Variants in CLMP observed in about 807,000 individuals in gnomAD.
The protein encoded by CLMP is CXADR like cell adhesion molecule.
In CLMP, 27 loss-of-function variants were observed where a neutral mutation model predicts 45.2. The observed-to-expected ratio is 0.60, with a 90% confidence interval of 0.44 to 0.82. The LOEUF (loss-of-function observed/expected upper bound fraction) is 0.82. Among genes scored for constraint, CLMP ranks in the 40% least tolerant of loss-of-function variants. The pLI is 0.00. For missense variants in CLMP, 403 were observed against 448.4 expected (o/e 0.90, Z 0.91); for synonymous variants, 167 against 171.4 (o/e 0.97, Z 0.20).
chr11:123,162,431 G>A (rs1027028410), intron 1 of CLMP, among the ~76,000 whole-genome samples: 1 of 151,920 alleles, frequency 6.6e-6, no homozygotes, highest in African/African-American at 2.4e-5. Flanking sequence ...AATGTATAAT[G>A]CATGTATAAT....
At chr11:123,163,122 T>C (rs1166247450) in intron 1 of CLMP, among the ~76,000 whole-genome samples, 1 of 151,658 alleles carries the variant, frequency 6.6e-6, no homozygotes, top group Non-Finnish European at 1.5e-5. Flanking sequence ...AAGAAGGGTG[T>C]CCACAAATTC....
chr11:123,088,454 T>C (rs1387090756), intron 2 of CLMP, among the ~76,000 whole-genome samples: 1 of 152,146 alleles, frequency 6.6e-6, no homozygotes, highest in Non-Finnish European at 1.5e-5. Flanking sequence ...TTCCCCCAGA[T>C]GCATAATCAC....
Position 123,084,563 on chromosome 11 carries a change from C to A in CLMP, c.337G>T (p.Val113Phe). ...PSDEGRYTCK[V>F]KNSGRYVWSH... ...CACACGTAGCGCCCTGAATTCTTAACCTTACAGGTGTACCGGCCCTCATCA... is the reference window on the plus strand; with the variant it reads ...CACACGTAGCGCCCTGAATTCTTAAACTTACAGGTGTACCGGCCCTCATCA... Residue 113 changes from valine to phenylalanine, a missense_variant, in exon 3 of 7, where the codon GTT (valine) becomes TTT (phenylalanine). Physicochemically the swap from Val to Phe is conservative, Grantham distance 50. Coordinates refer to ENST00000448775, the MANE Select transcript of CLMP (RefSeq NM_024769.5). The A allele has an allele frequency of 6.2e-7, 1 of 1,614,182 alleles. No individual in the cohort carries two copies. The highest frequency in any genetic ancestry group is 8.5e-7 in the Non-Finnish European group (1 of 1,180,030).
chr11:123,126,818 A>G (rs1381580009), intron 1 of CLMP, among the ~76,000 whole-genome samples: 2 of 151,770 alleles, frequency 1.3e-5, no homozygotes, highest in East Asian at 3.9e-4. Context: ...AATGGCACGA[A>G]CCTGGGAGGC....
intron 1 of CLMP, among the ~76,000 whole-genome samples, chr11:123,107,534 A>AATTTTTTTTTTTTT: frequency 8.1e-6 from 1 of 123,402 alleles, no homozygotes; most frequent in Non-Finnish European, 1.7e-5. Flanking sequence ...CCTGACCTAA[A>AATTTTTTTTTTTTT]TTTTTTTTTT....
chr11:123,122,018 G>A (rs963008358), intron 1 of CLMP, among the ~76,000 whole-genome samples: 3 of 152,032 alleles, frequency 2.0e-5, no homozygotes. Context: ...TGCTGGGATT[G>A]GGAACCACTG....
chr11:123,153,718 T>C (rs1279585880), intron 1 of CLMP, among the ~76,000 whole-genome samples: 1 of 152,200 alleles, frequency 6.6e-6, no homozygotes, highest in African/African-American at 2.4e-5. Context: ...GGTCTCACTT[T>C]GTCCCCCAGG....
chr11:123,171,478 C>T, intron 1 of CLMP, among the ~76,000 whole-genome samples: 1 of 138,540 alleles, frequency 7.2e-6, no homozygotes, highest in South Asian at 2.3e-4. Context: ...GAGTCTAGCT[C>T]TGTCACCCAG....
rs2135457734 is a variant in CLMP, at chr11:123,071,636, A to G, written c.*1838T>C. On this transcript the variant is annotated 3_prime_UTR_variant, in exon 7 of 7. Transcript: ENST00000448775. ...CGACTCAGGAGGACAAGGCAGGAGA[A>G]TCACTTGAACCCAAGAGGCGGACGC... is the stretch of plus-strand genomic sequence containing the variant. The G allele has an allele frequency of 6.6e-6, 1 of 152,308 alleles. No homozygotes were observed. The highest frequency in any genetic ancestry group is 2.4e-5 in the African/African-American group (1 of 41,572). The allele number at this position is 152,308 out of a possible 1,614,324, so 9.4% of individuals were successfully genotyped here.
intron 1 of CLMP, among the ~76,000 whole-genome samples, chr11:123,180,498 C>A (rs191326135): frequency 1.3e-5 from 2 of 152,112 alleles, no homozygotes; most frequent in Non-Finnish European, 2.9e-5. Flanking sequence ...GACTTCCCAA[C>A]CTCCAGAACT....
At chr11:123,151,980 C>T (rs980480003) in intron 1 of CLMP, among the ~76,000 whole-genome samples, 3 of 152,138 alleles carry the variant, frequency 2.0e-5, no homozygotes, top group African/African-American at 7.2e-5. Context: ...GAGCATTCTT[C>T]ACAAGTCTGT....
chr11:123,149,818 T>C (rs926033460), intron 1 of CLMP, among the ~76,000 whole-genome samples: 1 of 144,808 alleles, frequency 6.9e-6, no homozygotes, highest in Non-Finnish European at 1.5e-5. Context: ...TTTCTTTCTC[T>C]CTTTTTTTTT....
At chr11:123,168,118 G>A (rs1006694234) in intron 1 of CLMP, among the ~76,000 whole-genome samples, 1 of 152,184 alleles carries the variant, frequency 6.6e-6, no homozygotes, top group Non-Finnish European at 1.5e-5. Context: ...GAGCTGAAAA[G>A]CATGATTGGG....
chr11:123,148,466 C>CA (rs1281257661), intron 1 of CLMP, among the ~76,000 whole-genome samples: 4 of 152,216 alleles, frequency 2.6e-5, no homozygotes, highest in Admixed American at 6.5e-5. Flanking sequence ...ACCCCATGAA[C>CA]AGGAATAGCC....
intron 1 of CLMP, among the ~76,000 whole-genome samples, chr11:123,129,476 ATAGAT>A (rs1860953434): frequency 7.1e-6 from 1 of 141,802 alleles, no homozygotes; most frequent in East Asian, 2.0e-4. Context: ...ATGATATATT[ATAGAT>A]TATATATAAT....
At chr11:123,166,326 G>C (rs1861555933) in intron 1 of CLMP, among the ~76,000 whole-genome samples, 1 of 152,156 alleles carries the variant, frequency 6.6e-6, no homozygotes, top group Non-Finnish European at 1.5e-5. Context: ...CCTCTTCAGA[G>C]AGATTGACTA....
chr11:123,074,553 G>T (rs1865712476), intron 6 of CLMP, 149 bp downstream of exon 6: 1 of 762,784 alleles, frequency 1.3e-6, no homozygotes, highest in Non-Finnish European at 2.2e-6. Context: ...CATACCCTCT[G>T]TCCCTAGGCT....
chr11:123,134,601 C>T (rs1861043388), intron 1 of CLMP, among the ~76,000 whole-genome samples: 1 of 151,796 alleles, frequency 6.6e-6, no homozygotes, highest in African/African-American at 2.4e-5. Flanking sequence ...CACGTGAGGT[C>T]AGGAGTTCGA....
At chr11:123,115,565 T>C (rs1355717707) in intron 1 of CLMP, among the ~76,000 whole-genome samples, 1 of 152,016 alleles carries the variant, frequency 6.6e-6, no homozygotes. Context: ...CCATTCTATA[T>C]GATTCCAGGG....
Sources: allele counts gnomAD v4.1 joint callset (sites outside exome capture counted in the v4.1 genomes callset), GRCh38; gene constraint gnomAD v4.1.1; transcripts MANE v1.5; gene names NCBI Gene and HGNC (gene_info 2026-07-23, HGNC 2026-07-21).